The following ABCB9 variants were observed in gnomAD, a reference collection of about 807,000 sequenced individuals.
The protein encoded by ABCB9 is ATP binding cassette subfamily B member 9.
ABCB9 carries 36 observed loss-of-function variants against 62.0 expected under a neutral mutation model. The observed-to-expected ratio is 0.58, with a 90% CI of 0.45 to 0.77. The LOEUF (loss-of-function observed/expected upper bound fraction) is 0.77, where lower values mean the gene tolerates loss of function less well. Ranked by LOEUF, ABCB9 falls within the 30% of genes least tolerant of loss-of-function variation. The probability of loss-of-function intolerance (pLI) is 0.00; values close to 1 mark genes in which losing one functional copy is unlikely to be tolerated. For missense variants in ABCB9, 943 were observed against 1,054.7 expected, an observed-to-expected ratio of 0.89 and a Z score of 1.47; for synonymous variants, 435 against 461.4, an observed-to-expected ratio of 0.94 and a Z score of 0.73.
In ABCB9 at chr12:122,949,790, G is replaced by A. The variant is rs760964935; in HGVS notation, c.845C>T (p.Thr282Ile). 1.2e-6 allele frequency: 2 copies of A among 1,614,154 alleles called. No individual in the cohort carries two copies. Among genetic ancestry groups the A allele is most frequent in the Admixed American group, 3.3e-5 (2 of 60,022 alleles). Residue 282 changes from threonine (T) to isoleucine (I), a missense_variant and splice_region_variant, in exon 4 of 12, where the codon ACA becomes ATA. Transcript: ENST00000280560. ...QETSFFDENR[T>I]GDLISRLTSD... The stretch of plus-strand genomic sequence containing the variant: ...CCTAGGGCACTGGAAGGACCAACCT[G>A]TGCGGTTCTCATCAAAGAAGCTTGT...
intron 9 of ABCB9, 168 bp downstream of exon 9, chr12:122,939,943 C>T (rs1301646192): frequency 6.1e-6 from 6 of 977,744 alleles, no homozygotes; most frequent in South Asian, 1.8e-5. Context: ...TGAGCCACCA[C>T]GTCTGGACAA....
In ABCB9 at chr12:122,966,386, G is replaced by C. The variant is rs977005604; in HGVS notation, c.-187C>G. The stretch of plus-strand genomic sequence containing the variant: ...GCTCATTGAAGACTGCGCCGGACGC[G>C]GTCCTCGCTCCGCTCTTCCCGCTGC... On this transcript the variant is annotated 5_prime_UTR_variant, in exon 1 of 12. Transcript: ENST00000280560. The C allele has an allele frequency of 6.6e-6, 1 of 152,436 alleles. No homozygotes were observed. The highest frequency in any genetic ancestry group is 6.5e-5 in the Admixed American group (1 of 15,282). 9.4% of individuals were successfully genotyped at this position (152,436 alleles called of 1,614,324 possible).
rs753307040 is a variant in ABCB9 at position 122,959,776 on chromosome 12, C to T, written c.460G>A (p.Glu154Lys). 1.2e-5 allele frequency: 20 copies of T among 1,611,826 alleles called. No homozygotes were observed. The highest frequency in any genetic ancestry group is 5.5e-5 in the South Asian group (5 of 91,028). Residue 154 changes from glutamate (E) to lysine (K), a missense_variant, in exon 2 of 12, where the codon GAG becomes AAG. Physicochemically the swap from Glu to Lys is moderately conservative, Grantham distance 56. Transcript: ENST00000280560. The surrounding 1 kb of genome is among the most constrained non-coding windows in gnomAD (Gnocchi z 5.4). ...TQALEPGAATEAEGFPGSGRP... is the reference protein window; with the variant it reads ...TQALEPGAATKAEGFPGSGRP... Reference sequence around the variant, plus strand: ...CCGCTCCCAGGGAAGCCCTCAGCCTCGGTGGCCGCCCCTGGCTCCAGGGCC... The same window carrying T: ...CCGCTCCCAGGGAAGCCCTCAGCCTTGGTGGCCGCCCCTGGCTCCAGGGCC...
chr12:122,949,782 A>C lies in ABCB9; in HGVS notation c.847+6T>G, dbSNP rs1490792926. ...CCAGGACACCTAGGGCACTGGAAGG[A>C]CCAACCTGTGCGGTTCTCATCAAAG... On this transcript the variant is annotated splice_donor_region_variant and intron_variant, in intron 4 of 11. Coordinates refer to ENST00000280560, the MANE Select transcript of ABCB9 (RefSeq NM_019625.4). The C allele has an allele frequency of 6.2e-7, 1 of 1,613,942 alleles. No individual in the cohort carries two copies. Among genetic ancestry groups the C allele is most frequent in the Non-Finnish European group, 8.5e-7 (1 of 1,179,940 alleles).
intron 2 of ABCB9, among the ~76,000 whole-genome samples, chr12:122,954,294 T>C (rs934956994): frequency 1.3e-5 from 2 of 152,114 alleles, no homozygotes; most frequent in African/African-American, 4.8e-5. Context: ...CAGCAACCTC[T>C]GCCTCCTGGG....
Position 122,960,112 on chromosome 12 carries a change from T to A in ABCB9, c.124A>T (p.Asn42Tyr), listed in dbSNP as rs2036815904. 4 of 1,613,532 alleles carry A rather than the reference T, an allele frequency of 2.5e-6. No individual in the cohort carries two copies. The highest frequency in any genetic ancestry group is 3.4e-6 in the Non-Finnish European group (4 of 1,180,028). The stretch of plus-strand genomic sequence containing the variant: ...AGATCCAGCACCGAGTCAAAGATGT[T>A]GAAGTGGCGGATGTCCTCCAGGAGG... ...RSLLEDIRHF[N>Y]IFDSVLDLWA... The change falls in exon 2 of 12, where the codon AAC becomes TAC. Residue 42 changes from asparagine to tyrosine, a missense_variant. Coordinates refer to ENST00000280560, the MANE Select transcript of ABCB9 (RefSeq NM_019625.4).
chr12:122,918,619 C>T (rs571295127), downstream of ABCB9, among the ~76,000 whole-genome samples: 32 of 151,842 alleles, frequency 2.1e-4, no homozygotes, highest in South Asian at 4.4e-3. Context: ...CCACCACGCA[C>T]GACTAATATT....
In ABCB9 at chr12:122,929,603, C is replaced by G; in HGVS notation, c.*308G>C. ...AAGGTTTTTGAAATCTAGGAGTTGACTGGGGTGCCTCAAACCAAACAGTAA... is the reference window on the plus strand; with the variant it reads ...AAGGTTTTTGAAATCTAGGAGTTGAGTGGGGTGCCTCAAACCAAACAGTAA... On this transcript the variant is annotated 3_prime_UTR_variant, in exon 12 of 12. Transcript: ENST00000280560. The surrounding 1 kb of genome is among the most constrained non-coding windows in gnomAD (Gnocchi z 6.0). 2 of 1,183,604 alleles carry G rather than the reference C, an allele frequency of 1.7e-6. No homozygotes were observed. Among genetic ancestry groups the G allele is most frequent in the Non-Finnish European group, 2.1e-6 (2 of 957,432 alleles). 73.3% of individuals were successfully genotyped at this position (1,183,604 alleles called of 1,614,324 possible).
upstream of ABCB9, among the ~76,000 whole-genome samples, chr12:122,969,074 T>C (rs904380471): frequency 6.6e-5 from 10 of 151,812 alleles, no homozygotes; most frequent in Non-Finnish European, 1.5e-4. Context: ...CAATGTCAGG[T>C]GCACTGCAGG....
chr12:122,956,142 C>G (rs2036603534), intron 2 of ABCB9, among the ~76,000 whole-genome samples: 1 of 152,140 alleles, frequency 6.6e-6, no homozygotes, highest in Admixed American at 6.6e-5. Context: ...GGAGAAACTG[C>G]CTGGTTTAAT....
intron 1 of ABCB9, chr12:122,972,900 C>T (rs1018484058): frequency 6.6e-6 from 1 of 152,208 alleles, no homozygotes; most frequent in African/African-American, 2.4e-5. Flanking sequence ...TATTCACATA[C>T]ACATATACAT....
chr12:122,961,428 A>C (rs1166111123), intron 1 of ABCB9, among the ~76,000 whole-genome samples: 2 of 152,130 alleles, frequency 1.3e-5, no homozygotes, highest in East Asian at 1.9e-4. Flanking sequence ...CCTGACCTCA[A>C]GTGATCCACA....
chr12:122,973,794 G>A (rs2037328584), intron 1 of ABCB9, among the ~76,000 whole-genome samples: 1 of 152,008 alleles, frequency 6.6e-6, no homozygotes, highest in South Asian at 2.1e-4. Flanking sequence ...CCGGGAGGCA[G>A]AGCTTACAGT....
chr12:122,967,687 C>A (rs2037216029), upstream of ABCB9, among the ~76,000 whole-genome samples: 2 of 152,274 alleles, frequency 1.3e-5, no homozygotes, highest in South Asian at 4.1e-4. Context: ...TGGGGTTTAG[C>A]CATGTTGGCC....
downstream of ABCB9, chr12:122,924,743 T>G: frequency 2.0e-6 from 3 of 1,533,830 alleles, no homozygotes; most frequent in Non-Finnish European, 2.6e-6. Context: ...CTCATCTGTC[T>G]CTCTGGCCAA....
At chr12:122,935,491 A>G in intron 9 of ABCB9, 60 bp from the exon 10 acceptor site, 1 of 1,565,660 alleles carries the variant, frequency 6.4e-7, no homozygotes, top group Non-Finnish European at 8.7e-7. Context: ...AGCTGTCCCC[A>G]GCAGCCTTGC....
intron 1 of ABCB9, among the ~76,000 whole-genome samples, chr12:122,962,244 C>A (rs2036942073): frequency 6.6e-6 from 1 of 152,198 alleles, no homozygotes; most frequent in South Asian, 2.1e-4. Flanking sequence ...TGGGGCTTGT[C>A]CACGGTAGGG....
At position 122,944,460 on chromosome 12, in the gene ABCB9, T is replaced by C. The variant is rs910601936; in HGVS notation, c.1311A>G (p.Ser437=). The change falls in exon 7 of 12, where the codon TCA becomes TCG. Residue 437 remains serine, a synonymous_variant. Coordinates refer to ENST00000280560, the MANE Select transcript of ABCB9 (RefSeq NM_019625.4). The surrounding 1 kb of genome is among the most constrained non-coding windows in gnomAD (Gnocchi z 4.9). ...TGAGGTTGCCGCTGGTCATCTGGCC[T>C]GAGATGACAAGGTGGCCCCCGTAGT... ...ILYYGGHLVI[S]GQMTSGNLIA... 1 of 1,613,972 alleles carries C rather than the reference T, an allele frequency of 6.2e-7. No homozygotes were observed.
At chr12:122,962,266 C>T (rs1594074388) in intron 1 of ABCB9, among the ~76,000 whole-genome samples, 1 of 152,190 alleles carries the variant, frequency 6.6e-6, no homozygotes, top group Non-Finnish European at 1.5e-5. Context: ...TAGGACCGGG[C>T]TGGGGTGTGT....
Sources: allele counts gnomAD v4.1 joint callset (sites outside exome capture counted in the v4.1 genomes callset), GRCh38; gene constraint gnomAD v4.1.1; non-coding constraint Gnocchi (gnomAD v3.1); transcripts MANE v1.5; gene names NCBI Gene and HGNC (gene_info 2026-07-23, HGNC 2026-07-21).